The following EXOC3 variants were observed in gnomAD, a reference collection of about 807,000 sequenced individuals.
EXOC3 encodes the protein SEC6-like 1.
EXOC3 carries 21 observed loss-of-function variants against 73.7 expected under a neutral mutation model. That is an observed-to-expected ratio of 0.29 (90% CI 0.20 to 0.41). The LOEUF (loss-of-function observed/expected upper bound fraction) is 0.41, where lower values mean the gene tolerates loss of function less well. Ranked by LOEUF, EXOC3 falls within the 10% of genes least tolerant of loss-of-function variation. EXOC3 has a pLI of 1.00. For synonymous variants in EXOC3, 410 were observed against 389.1 expected, an observed-to-expected ratio of 1.05 and a Z score of -0.63; for missense variants, 842 against 985.1, an observed-to-expected ratio of 0.85 and a Z score of 1.95.
intron 2 of EXOC3, 172 bp from the exon 3 acceptor site, chr5:447,361 A>C (rs1737537008): frequency 1.7e-6 from 1 of 582,346 alleles, no homozygotes; most frequent in Non-Finnish European, 3.1e-6. Context: ...AAAAAGGTAC[A>C]CTGTGAATCA....
intron 4 of EXOC3, among the ~76,000 whole-genome samples, chr5:454,817 T>C (rs1344901664): frequency 2.0e-5 from 3 of 152,148 alleles, no homozygotes; most frequent in Non-Finnish European, 4.4e-5. Context: ...TCTTCTTCTT[T>C]TTTTTCTTCC....
chr5:459,391 G>C lies in EXOC3; in HGVS notation c.1323G>C (p.Gln441His). Residue 441 changes from glutamine to histidine, a missense_variant, in exon 7 of 13, where the codon CAG becomes CAC. Transcript: ENST00000512944. ...MFEQNLQVAAQISEDLKTKVL... is the reference protein window; with the variant it reads ...MFEQNLQVAAHISEDLKTKVL... ...AACAGAATCTTCAAGTTGCTGCTCA[G>C]ATAAGTGAAGATTTGAAAACAAAGG... The C allele has an allele frequency of 1.3e-6, 2 of 1,570,796 alleles. No homozygotes were observed. The highest frequency in any genetic ancestry group is 1.3e-5 in the African/African-American group (1 of 74,394).
In EXOC3 at chr5:447,544, G is replaced by C; in HGVS notation, c.156G>C (p.Gln52His). 1 of 1,569,750 alleles carries C rather than the reference G, an allele frequency of 6.4e-7. No individual in the cohort carries two copies. Among genetic ancestry groups the C allele is most frequent in the Middle Eastern group, 1.7e-4 (1 of 5,888 alleles). ...SVEARLKAAI[Q>H]SQLDGVRTGL... ...GCGTCTCTCTTTAGGCCGCCATCCA[G>C]TCACAGTTGGACGGGGTGCGCACAG... Residue 52 changes from glutamine to histidine, a missense_variant, in exon 3 of 13, where the codon CAG (glutamine) becomes CAC (histidine). Transcript: ENST00000512944.
At chr5:444,694 CGGG>C (rs1560933765) in intron 1 of EXOC3, among the ~76,000 whole-genome samples, 3 of 152,092 alleles carry the variant, frequency 2.0e-5, no homozygotes, top group Admixed American at 1.3e-4. Flanking sequence ...CCCTGAGTGT[CGGG>C]ATTTAAGGGG....
chr5:464,290 C>G lies in EXOC3; in HGVS notation c.1654C>G (p.Gln552Glu). The change falls in exon 10 of 13, where the codon CAA becomes GAA. Residue 552 changes from glutamine (Q) to glutamate (E), a missense_variant and splice_region_variant. By Grantham distance (29) the Gln-to-Glu change is conservative (BLOSUM62 2). Transcript: ENST00000512944. ...TCTATGATCTGTTTCTGCTTTTCAG[C>G]AACATCTGAATGAATTGATGACGAA... ...LLEEVFLDLE[Q>E]HLNELMTKKW... The G allele has an allele frequency of 6.2e-7, 1 of 1,612,928 alleles. No individual in the cohort carries two copies. The highest frequency in any genetic ancestry group is 8.5e-7 in the Non-Finnish European group (1 of 1,179,132).
intron 10 of EXOC3, 186 bp from the exon 11 acceptor site, chr5:464,925 C>T (rs377517898): frequency 9.2e-6 from 6 of 648,698 alleles, no homozygotes; most frequent in South Asian, 2.0e-5. Context: ...TCCAGGTCAC[C>T]GTCACTGTTC....
chr5:459,965 A>G (rs1423438049), intron 7 of EXOC3, among the ~76,000 whole-genome samples: 1 of 152,218 alleles, frequency 6.6e-6, no homozygotes, highest in African/African-American at 2.4e-5. Context: ...CGTGCAGTCC[A>G]GAAGCCATCC....
At chr5:449,328 T>C (rs1737591616) in intron 3 of EXOC3, among the ~76,000 whole-genome samples, 1 of 152,254 alleles carries the variant, frequency 6.6e-6, no homozygotes, top group Non-Finnish European at 1.5e-5. Flanking sequence ...CTTAACCATT[T>C]TTAAGTGTAC....
At chr5:459,619 G>T in intron 7 of EXOC3, 160 bp downstream of exon 7, 1 of 504,100 alleles carries the variant, frequency 2.0e-6, no homozygotes, top group East Asian at 3.2e-5. Context: ...GGGAGGGAGC[G>T]GAGCTTCTGG....
rs578203209 is a variant in EXOC3 at position 467,006 on chromosome 5, C to T, written c.*108C>T. On this transcript the variant is annotated 3_prime_UTR_variant, in exon 13 of 13. Coordinates refer to ENST00000512944, the MANE Select transcript of EXOC3 (RefSeq NM_007277.5). ...GCCACACGTGCTCCTTTTAGCTGCACGGCCTGTCTTTAGGTGCCAGTGTGA... is the reference window on the plus strand; with the variant it reads ...GCCACACGTGCTCCTTTTAGCTGCATGGCCTGTCTTTAGGTGCCAGTGTGA... The T allele has an allele frequency of 2.5e-5, 30 of 1,178,768 alleles. No homozygotes were observed. The highest frequency in any genetic ancestry group is 2.3e-4 in the African/African-American group (15 of 65,234). The allele number at this position is 1,178,768 out of a possible 1,614,324, so 73.0% of individuals were successfully genotyped here.
intron 6 of EXOC3, among the ~76,000 whole-genome samples, chr5:458,953 G>T (rs572199537): frequency 1.3e-5 from 2 of 152,338 alleles, no homozygotes; most frequent in East Asian, 1.9e-4. Flanking sequence ...TCCTGGCAGG[G>T]CCTGGCACAC....
At chr5:444,720 GTGGCGGGAT>G (rs1560933785) in intron 1 of EXOC3, among the ~76,000 whole-genome samples, 2 of 91,990 alleles carry the variant, frequency 2.2e-5, no homozygotes, top group African/African-American at 5.5e-5. Context: ...TTGTCCCTGG[GTGGCGGGAT>G]TTAAGGGGAG....
rs191924490 is a variant in EXOC3, at chr5:446,458, C to T, written c.144+109C>T. On this transcript the variant is annotated intron_variant, in intron 2 of 12. Coordinates refer to ENST00000512944, the MANE Select transcript of EXOC3 (RefSeq NM_007277.5). Reference sequence around the variant, plus strand: ...GCCTTTATGGTAATGTGCAAGGAGGCAGAGCTGGACTTTCTTGAGCAGTTA... The same window carrying T: ...GCCTTTATGGTAATGTGCAAGGAGGTAGAGCTGGACTTTCTTGAGCAGTTA... 4.6e-4 allele frequency: 476 copies of T among 1,038,554 alleles called. 3 individuals are homozygous for T. The South Asian group carries it at 5.3e-3, about 11-fold the overall frequency. The allele number at this position is 1,038,554 out of a possible 1,614,324, so 64.3% of individuals were successfully genotyped here. A position where few individuals can be genotyped will look rare whatever the true frequency, so the allele number is the denominator to read the frequency against.
intron 3 of EXOC3, among the ~76,000 whole-genome samples, chr5:451,945 T>C (rs1737672652): frequency 6.6e-6 from 1 of 152,256 alleles, no homozygotes; most frequent in Admixed American, 6.5e-5. Flanking sequence ...TTTGGAGCCC[T>C]TGTTTCTGAC....
rs1737751020 is a variant in EXOC3, at chr5:454,623, C to CA, written c.1046+573dup. ...TTTGTATCCTAGTACGAGGTTTTGTCACTTCACTTAAGGGACCATGAACCA... is the reference window on the plus strand; with the variant it reads ...TTTGTATCCTAGTACGAGGTTTTGTCAACTTCACTTAAGGGACCATGAACCA... On this transcript the variant is annotated intron_variant, in intron 4 of 12. Coordinates refer to ENST00000512944, the MANE Select transcript of EXOC3 (RefSeq NM_007277.5). Among the ~76,000 whole-genome samples, 27 of 152,312 alleles carry CA rather than the reference C, an allele frequency of 1.8e-4. No individual in the cohort carries two copies. The South Asian group carries it at 5.6e-3, about 32-fold the overall frequency.
intron 6 of EXOC3, among the ~76,000 whole-genome samples, chr5:458,599 C>T (rs903293294): frequency 4.6e-5 from 7 of 152,278 alleles, no homozygotes; most frequent in South Asian, 4.1e-4. Flanking sequence ...CACTTTCCAA[C>T]GCCCAAGCCT....
chr5:465,328 A>G, intron 11 of EXOC3, 56 bp downstream of exon 11: 4 of 1,533,388 alleles, frequency 2.6e-6, no homozygotes, highest in Non-Finnish European at 3.5e-6. Context: ...GGCCCTGTTC[A>G]GCCTCCACCC....
At chr5:449,219 T>C (rs935572871) in intron 3 of EXOC3, among the ~76,000 whole-genome samples, 2 of 152,220 alleles carry the variant, frequency 1.3e-5, no homozygotes, top group African/African-American at 4.8e-5. Flanking sequence ...TTTGGTTGCC[T>C]TCAGACTTGT....
intron 9 of EXOC3, 100 bp downstream of exon 9, chr5:462,407 C>T (rs1334554941): frequency 5.1e-6 from 7 of 1,369,106 alleles, no homozygotes; most frequent in East Asian, 2.3e-5. Flanking sequence ...GTGCGGATGC[C>T]GTCTGGGGAG....
Sources: allele counts gnomAD v4.1 joint callset (sites outside exome capture counted in the v4.1 genomes callset), GRCh38; gene constraint gnomAD v4.1.1; transcripts MANE v1.5; gene names NCBI Gene and HGNC (gene_info 2026-07-23, HGNC 2026-07-21).